The following CDCA2 variants were observed in gnomAD, a reference collection of about 807,000 sequenced individuals.
The protein encoded by CDCA2 is cell division cycle-associated protein 2.
A neutral mutation model predicts 67.0 loss-of-function variants in CDCA2; 44 were observed. The observed-to-expected ratio is 0.66, with a 90% CI of 0.52 to 0.84. CDCA2 has a LOEUF of 0.84. Among genes scored for constraint, CDCA2 ranks in the 40% least tolerant of loss-of-function variants. CDCA2 has a pLI of 0.00. For synonymous variants in CDCA2, 447 were observed against 418.7 expected, an observed-to-expected ratio of 1.07 and a Z score of -0.82; for missense variants, 1,253 against 1,203.2, an observed-to-expected ratio of 1.04 and a Z score of -0.61.
At chr8:25,490,048 C>T (rs1289523545) in intron 13 of CDCA2, among the ~76,000 whole-genome samples, 1 of 152,196 alleles carries the variant, frequency 6.6e-6, no homozygotes, top group Non-Finnish European at 1.5e-5. Flanking sequence ...ATCCTTAAGT[C>T]ATTAAATCCG....
Position 25,484,074 on chromosome 8 carries a change from C to T in CDCA2, c.1229C>T (p.Ala410Val). ...GAAGTGTTTGATGAATCTTTGCCAGCAAATACTCCATTGCGTAAAGGAGGA... is the reference window on the plus strand; with the variant it reads ...GAAGTGTTTGATGAATCTTTGCCAGTAAATACTCCATTGCGTAAAGGAGGA... ...SPEVFDESLP[A>V]NTPLRKGGTP... The change falls in exon 10 of 15, where the codon GCA becomes GTA. Residue 410 changes from alanine (A) to valine (V), a missense_variant. By Grantham distance (64) the Ala-to-Val change is moderately conservative (BLOSUM62 0). Coordinates refer to ENST00000330560, the MANE Select transcript of CDCA2 (RefSeq NM_152562.4). 1 of 1,614,152 alleles carries T rather than the reference C, an allele frequency of 6.2e-7. No homozygotes were observed. Among genetic ancestry groups the T allele is most frequent in the Non-Finnish European group, 8.5e-7 (1 of 1,180,032 alleles).
At chr8:25,488,502 C>T (rs753398011) in intron 12 of CDCA2, 50 bp from the exon 13 acceptor site, 4 of 1,501,416 alleles carry the variant, frequency 2.7e-6, no homozygotes, top group Admixed American at 4.4e-5. Flanking sequence ...AGCACATTAA[C>T]ATGTAATTGC....
In CDCA2 at chr8:25,484,139, C is replaced by T. The variant is rs1379244063; in HGVS notation, c.1294C>T (p.Leu432=). 1.2e-6 allele frequency: 2 copies of T among 1,614,170 alleles called. No homozygotes were observed. ...AAAAGACTTCAGTGGTCTCAGTTCC[C>T]TGCTGCTTGAGCAGTCACCTGTTCC... The part of the protein sequence containing the change: ...CKKDFSGLSS[L]LLEQSPVPEP... Residue 432 remains leucine (L), a synonymous_variant, in exon 10 of 15, where the codon CTG becomes TTG. Transcript: ENST00000330560.
Position 25,498,453 on chromosome 8 carries a change from A to ACCCCCCCCCCCCCCCCCCCCCCCC in CDCA2, c.1672-4910_1672-4909insCCCCCCCCCCCCCCCCCCCCCCCC, listed in dbSNP as rs60633246. 4.6e-4 allele frequency among the ~76,000 whole-genome samples: 35 copies of ACCCCCCCCCCCCCCCCCCCCCCCC among 76,608 alleles called. 1 individual carries two copies. The highest frequency in any genetic ancestry group is 9.0e-4 in the Admixed American group (5 of 5,582). The allele number at this position is 76,608 out of a possible 152,430, so 50.3% of individuals were successfully genotyped here. ...AAACCCCTGTCCTCAGGTAATCTGC[A>ACCCCCCCCCCCCCCCCCCCCCCCC]CCCCCCCCCCGCCCCCCAGGCCTCC... is the stretch of plus-strand genomic sequence containing the variant. On this transcript the variant is annotated intron_variant, in intron 13 of 14. Coordinates refer to ENST00000330560, the MANE Select transcript of CDCA2 (RefSeq NM_152562.4).
At chr8:25,497,935 G>C in intron 13 of CDCA2, among the ~76,000 whole-genome samples, 1 of 152,116 alleles carries the variant, frequency 6.6e-6, no homozygotes, top group East Asian at 1.9e-4. Context: ...CTCACCTACT[G>C]TAGTGAGCCA....
chr8:25,480,130 AAG>A lies in CDCA2; in HGVS notation c.1032+11_1032+12del. The A allele has an allele frequency of 6.2e-7, 1 of 1,606,410 alleles. No individual in the cohort carries two copies. The highest frequency in any genetic ancestry group is 1.1e-5 in the South Asian group (1 of 90,340). On this transcript the variant is annotated splice_region_variant and intron_variant, in intron 8 of 14. Transcript: ENST00000330560. The stretch of plus-strand genomic sequence containing the variant: ...TGTGTCTAGAGAGCTTACAGGTAAG[AAG>A]AGAGTTAAATTTCCTAAAGCAAATG...
At chr8:25,479,705 C>G (rs534739406) in intron 7 of CDCA2, 1 of 568,190 alleles carries the variant, frequency 1.8e-6, no homozygotes, top group Non-Finnish European at 3.1e-6. Context: ...CTTCGTAGTC[C>G]GATTTGAGGT....
chr8:25,501,216 A>G (rs1804461901), intron 13 of CDCA2, among the ~76,000 whole-genome samples: 1 of 152,248 alleles, frequency 6.6e-6, no homozygotes, highest in Admixed American at 6.5e-5. Context: ...CAGGAGGAAC[A>G]TTCATCTTGT....
At chr8:25,500,392 A>G (rs1804425559) in intron 13 of CDCA2, among the ~76,000 whole-genome samples, 1 of 152,208 alleles carries the variant, frequency 6.6e-6, no homozygotes, top group African/African-American at 2.4e-5. Context: ...ATTAAAAATT[A>G]AAAGTATATG....
chr8:25,506,989 G>A lies in CDCA2; in HGVS notation c.2323G>A (p.Gly775Arg). The change falls in exon 15 of 15, where the codon GGA (glycine) becomes AGA (arginine). Residue 775 changes from glycine to arginine, a missense_variant. Physicochemically the swap from Gly to Arg is moderately radical, Grantham distance 125. Transcript: ENST00000330560. ...GGATGACTTCTTAGGAGCTGCAGAA[G>A]GAAAACTGCAATGCAATCGTTTAAT... is the stretch of plus-strand genomic sequence containing the variant. Reference protein sequence around the residue: ...RKDDFLGAAEGKLQCNRLMPN... With the variant: ...RKDDFLGAAERKLQCNRLMPN... 1 of 1,614,090 alleles carries A rather than the reference G, an allele frequency of 6.2e-7. No individual in the cohort carries two copies. Among genetic ancestry groups the A allele is most frequent in the Non-Finnish European group, 8.5e-7 (1 of 1,179,972 alleles).
chr8:25,477,645 A>G (rs993726338), intron 7 of CDCA2, among the ~76,000 whole-genome samples: 4 of 152,206 alleles, frequency 2.6e-5, no homozygotes, highest in Admixed American at 6.5e-5. Flanking sequence ...AACTCTTTCT[A>G]GGTGACTTCA....
chr8:25,498,956 A>G (rs1324851207), intron 13 of CDCA2, among the ~76,000 whole-genome samples: 1 of 152,116 alleles, frequency 6.6e-6, no homozygotes, highest in Non-Finnish European at 1.5e-5. Context: ...TAACTCTTCA[A>G]GACACTGCAG....
rs576549798 is a variant in CDCA2 at position 25,498,446 on chromosome 8, A to G, written c.1672-4927A>G. On this transcript the variant is annotated intron_variant, in intron 13 of 14. Coordinates refer to ENST00000330560, the MANE Select transcript of CDCA2 (RefSeq NM_152562.4). ...TGGTCTCAAACCCCTGTCCTCAGGT[A>G]ATCTGCACCCCCCCCCCGCCCCCCA... is the stretch of plus-strand genomic sequence containing the variant. Among the ~76,000 whole-genome samples, 10 of 98,214 alleles carry G rather than the reference A, an allele frequency of 1.0e-4. No homozygotes were observed. The South Asian group carries it at 2.7e-3, about 26-fold the overall frequency. 64.4% of individuals were successfully genotyped at this position (98,214 alleles called of 152,430 possible). A position where few individuals can be genotyped will look rare whatever the true frequency, so the allele number is the denominator to read the frequency against.
rs1327437150 is a variant in CDCA2, at chr8:25,468,404, T to C, written c.726T>C (p.Asp242=). Residue 242 remains aspartate, a synonymous_variant, in exon 6 of 15, where the codon GAT becomes GAC. Transcript: ENST00000330560. ...DRACAVETSV[D]LSEISSKLGS... Reference sequence around the variant, plus strand: ...CATGTGCAGTTGAAACTTCTGTAGATCTTTCTGAGGTAATTCACTTACTTT... The same window carrying C: ...CATGTGCAGTTGAAACTTCTGTAGACCTTTCTGAGGTAATTCACTTACTTT... 1 of 1,610,510 alleles carries C rather than the reference T, an allele frequency of 6.2e-7. No individual in the cohort carries two copies. The highest frequency in any genetic ancestry group is 1.3e-5 in the African/African-American group (1 of 74,786).
intron 13 of CDCA2, among the ~76,000 whole-genome samples, chr8:25,492,987 T>C (rs1296575386): frequency 6.6e-6 from 1 of 151,784 alleles, no homozygotes; most frequent in South Asian, 2.1e-4. Flanking sequence ...TTTGTTTGTG[T>C]GTTTGTTTGT....
intron 7 of CDCA2, among the ~76,000 whole-genome samples, chr8:25,472,840 C>T (rs1803210656): frequency 6.6e-6 from 1 of 151,964 alleles, no homozygotes; most frequent in African/African-American, 2.4e-5. Context: ...ACTTCACTTA[C>T]CTGTCATTTT....
chr8:25,468,072 C>G (rs543165189), intron 5 of CDCA2, 145 bp from the exon 6 acceptor site: 1 of 271,764 alleles, frequency 3.7e-6, no homozygotes, highest in Non-Finnish European at 6.0e-6. Flanking sequence ...GAGCTGAAAT[C>G]GCACCATTGT....
At chr8:25,460,987 G>T (rs1445415488) in intron 3 of CDCA2, among the ~76,000 whole-genome samples, 1 of 152,102 alleles carries the variant, frequency 6.6e-6, no homozygotes, top group South Asian at 2.1e-4. Flanking sequence ...CACAAACAGG[G>T]TTGGGCTCAG....
In CDCA2 at chr8:25,501,712, A is replaced by T. The variant is rs572919371; in HGVS notation, c.1672-1661A>T. The stretch of plus-strand genomic sequence containing the variant: ...TCCTACAGGCCAGGTGCCCACCTTC[A>T]CAGTTCACACAGCCAGTCATGGTGC... On this transcript the variant is annotated intron_variant, in intron 13 of 14. Transcript: ENST00000330560. 2.2e-4 allele frequency among the ~76,000 whole-genome samples: 34 copies of T among 152,246 alleles called. No individual in the cohort carries two copies. In the East Asian group the frequency reaches 5.6e-3, roughly 25 times the overall value.
Sources: allele counts gnomAD v4.1 joint callset (sites outside exome capture counted in the v4.1 genomes callset), GRCh38; gene constraint gnomAD v4.1.1; transcripts MANE v1.5; gene names NCBI Gene and HGNC (gene_info 2026-07-23, HGNC 2026-07-21).